Variants in VSTM2A observed in about 807,000 individuals in gnomAD.
VSTM2A encodes V-set and transmembrane domain-containing protein 2A.
VSTM2A carries 13 observed loss-of-function variants against 27.3 expected under a neutral mutation model. The ratio of observed to expected loss-of-function variants is 0.48; its 90% CI spans 0.31 to 0.76. The LOEUF (loss-of-function observed/expected upper bound fraction) is 0.76. VSTM2A is among the 30% of genes least tolerant of loss of function. The pLI, the probability that VSTM2A is intolerant of heterozygous loss-of-function variation, is 0.05. For synonymous variants in VSTM2A, 142 were observed against 125.7 expected (o/e 1.13, Z -0.87); for missense variants, 280 against 310.0 (o/e 0.90, Z 0.73).
chr7:54,566,370 C>T (rs1203982131), intron 4 of VSTM2A, among the ~76,000 whole-genome samples: 2 of 152,130 alleles, frequency 1.3e-5, no homozygotes, highest in East Asian at 3.9e-4. Context: ...AAAAATTTTA[C>T]TCCTTGCTTT....
intron 4 of VSTM2A, chr7:54,557,891 A>G (rs1788422791): frequency 1.3e-5 from 2 of 152,194 alleles, no homozygotes; most frequent in Admixed American, 1.3e-4. Context: ...TGATGGGTTG[A>G]GGAAGGAAGA....
chr7:54,542,844 TGC>T (rs746678152), intron 1 of VSTM2A, 35 bp downstream of exon 1: 1 of 1,570,278 alleles, frequency 6.4e-7, no homozygotes, highest in Admixed American at 1.7e-5. Flanking sequence ...TACATTTGCT[TGC>T]GTGTGTGTGT....
In VSTM2A at chr7:54,544,765, G is replaced by A. The variant is rs377152916; in HGVS notation, c.223G>A (p.Gly75Arg). 52 of 1,609,010 alleles carry A rather than the reference G, an allele frequency of 3.2e-5. No individual in the cohort carries two copies. The highest frequency in any genetic ancestry group is 1.7e-4 in the Middle Eastern group (1 of 5,920). ...GCGGGGGCCGGAGGACCTGGATCCC[G>A]GGGCCGAGGGGGCCGGCGCGCAGGT... ...FLRGPEDLDP[G>R]AEGAGAQVEL... The change falls in exon 2 of 5, where the codon GGG (glycine) becomes AGG (arginine). Residue 75 changes from glycine (G) to arginine (R), a missense_variant. Coordinates refer to ENST00000402613, the MANE Select transcript of VSTM2A (RefSeq NM_001301009.2).
At chr7:54,551,776 A>AGAAG (rs750701512) in intron 4 of VSTM2A, 25 of 152,218 alleles carry the variant, frequency 1.6e-4, no homozygotes, top group Non-Finnish European at 3.4e-4. Context: ...TAGCCTAAGC[A>AGAAG]GACAATTTAC....
At chr7:54,549,047 T>C (rs1012400401) in intron 3 of VSTM2A, among the ~76,000 whole-genome samples, 8 of 150,324 alleles carry the variant, frequency 5.3e-5, no homozygotes, top group African/African-American at 1.9e-4. Context: ...AAATCATATA[T>C]CTAATATATA....
chr7:54,545,546 G>A (rs1463155438), intron 2 of VSTM2A, among the ~76,000 whole-genome samples: 2 of 111,618 alleles, frequency 1.8e-5, no homozygotes, highest in African/African-American at 7.2e-5. Context: ...GAATTGGAGT[G>A]GGGAGGGGAG....
chr7:54,569,119 C>A lies in VSTM2A; in HGVS notation c.635-12C>A, dbSNP rs2115959542. ...GCTGACTTTTTTCCAATATCACTTT[C>A]TCTTCTTAAAGCAAAGAGCAAATCG... is the stretch of plus-strand genomic sequence containing the variant. On this transcript the variant is annotated splice_polypyrimidine_tract_variant and intron_variant, in intron 4 of 4. Coordinates refer to ENST00000402613, the MANE Select transcript of VSTM2A (RefSeq NM_001301009.2). 1 of 1,579,822 alleles carries A rather than the reference C, an allele frequency of 6.3e-7. No individual in the cohort carries two copies.
chr7:54,566,708 T>C (rs1201539886), intron 4 of VSTM2A, among the ~76,000 whole-genome samples: 1 of 152,260 alleles, frequency 6.6e-6, no homozygotes. Context: ...TTCTACACAG[T>C]TATTATGCTC....
At chr7:54,561,750 T>C (rs1451421103) in intron 4 of VSTM2A, among the ~76,000 whole-genome samples, 2 of 152,206 alleles carry the variant, frequency 1.3e-5, no homozygotes, top group African/African-American at 4.8e-5. Context: ...TGGCTCAAAC[T>C]TGGAAAATAT....
At chr7:54,550,356 G>T (rs1269054156) in intron 4 of VSTM2A, 186 bp downstream of exon 4, 8 of 1,440,476 alleles carry the variant, frequency 5.6e-6, no homozygotes, top group Non-Finnish European at 7.3e-6. Flanking sequence ...AAGCATGTGG[G>T]TGCACCCCGT....
At chr7:54,550,272 A>G in intron 4 of VSTM2A, 102 bp downstream of exon 4, 1 of 1,516,302 alleles carries the variant, frequency 6.6e-7, no homozygotes, top group Middle Eastern at 1.7e-4. Context: ...TGATTTTTAA[A>G]ATCGGAGACC....
chr7:54,554,093 C>G, intron 4 of VSTM2A: 1 of 1,550,768 alleles, frequency 6.4e-7, no homozygotes. Context: ...CCAGGTCGCT[C>G]GCACTCCCAA....
At chr7:54,547,161 T>C (rs1274447783) in intron 3 of VSTM2A, 164 bp downstream of exon 3, 1 of 633,196 alleles carries the variant, frequency 1.6e-6, no homozygotes, top group Non-Finnish European at 2.5e-6. Flanking sequence ...TTAGAGTCCC[T>C]AAATAAAATT....
chr7:54,548,115 C>T (rs1190883088), intron 3 of VSTM2A, among the ~76,000 whole-genome samples: 2 of 152,102 alleles, frequency 1.3e-5, no homozygotes, highest in African/African-American at 2.4e-5. Context: ...TTATTTTTCA[C>T]ATACATATAT....
intron 4 of VSTM2A, among the ~76,000 whole-genome samples, chr7:54,568,262 A>G (rs1277395771): frequency 2.0e-5 from 3 of 152,228 alleles, no homozygotes; most frequent in South Asian, 4.1e-4. Context: ...GAAGTATTCA[A>G]AAGATTGCAT....
chr7:54,566,224 T>A (rs1788719632), intron 4 of VSTM2A, among the ~76,000 whole-genome samples: 1 of 152,256 alleles, frequency 6.6e-6, no homozygotes, highest in Non-Finnish European at 1.5e-5. Flanking sequence ...CATCTAGACC[T>A]GCTGCCTGTA....
intron 3 of VSTM2A, among the ~76,000 whole-genome samples, chr7:54,547,871 C>G (rs1377759094): frequency 1.3e-5 from 2 of 152,028 alleles, no homozygotes; most frequent in Non-Finnish European, 2.9e-5. Context: ...TACATCATAA[C>G]TAAAAATGTA....
At chr7:54,555,676 G>C (rs749692309) in intron 4 of VSTM2A, among the ~76,000 whole-genome samples, 1 of 152,128 alleles carries the variant, frequency 6.6e-6, no homozygotes. Flanking sequence ...AAGCAAACTA[G>C]GACAGTTTAT....
intron 4 of VSTM2A, among the ~76,000 whole-genome samples, chr7:54,567,593 A>G (rs1342255011): frequency 1.3e-5 from 2 of 152,218 alleles, no homozygotes; most frequent in Non-Finnish European, 2.9e-5. Context: ...TGCAATGCCC[A>G]TGCTGAAAAG....
Sources: allele counts gnomAD v4.1 joint callset (sites outside exome capture counted in the v4.1 genomes callset), GRCh38; gene constraint gnomAD v4.1.1; transcripts MANE v1.5; gene names NCBI Gene and HGNC (gene_info 2026-07-23, HGNC 2026-07-21).